Variants in EYS observed in about 807,000 individuals in gnomAD.
EYS encodes the protein EGF-like photoreceptor maintenance factor.
Under a neutral mutation model 282.1 loss-of-function variants are expected in EYS, and 250 were observed. That is an observed-to-expected ratio of 0.89 (90% CI 0.80 to 0.98). The LOEUF is 0.98. Among genes scored for constraint, EYS ranks in the 50% least tolerant of loss-of-function variants. EYS has a pLI of 0.00. For missense variants in EYS, 4,016 were observed against 3,709.0 expected (o/e 1.08, Z -2.15); for synonymous variants, 1,355 against 1,282.9 (o/e 1.06, Z -1.20).
intron 12 of EYS, among the ~76,000 whole-genome samples, chr6:65,068,825 C>A (rs181568303): frequency 1.5e-4 from 23 of 152,158 alleles, no homozygotes; most frequent in Non-Finnish European, 2.5e-4. Flanking sequence ...ATGTTCAACT[C>A]TACTCATAAG....
At chr6:65,274,348 G>T (rs1338931645) in intron 12 of EYS, among the ~76,000 whole-genome samples, 1 of 152,194 alleles carries the variant, frequency 6.6e-6, no homozygotes, top group Non-Finnish European at 1.5e-5. Context: ...TTTGATCTGT[G>T]CAGAAGACAG....
intron 31 of EYS, among the ~76,000 whole-genome samples, chr6:64,125,012 C>A (rs1177852148): frequency 6.6e-6 from 1 of 152,022 alleles, no homozygotes; most frequent in African/African-American, 2.4e-5. Flanking sequence ...TAATGTCATC[C>A]CCCATTGAAC....
At chr6:64,819,676 A>T (rs561125751) in intron 21 of EYS, among the ~76,000 whole-genome samples, 2 of 151,948 alleles carry the variant, frequency 1.3e-5, no homozygotes, top group Non-Finnish European at 2.9e-5. Context: ...AAAATATTAC[A>T]GTGGGAAGGA....
chr6:64,366,075 C>G (rs1024633270), intron 29 of EYS, among the ~76,000 whole-genome samples: 2 of 152,052 alleles, frequency 1.3e-5, no homozygotes, highest in Non-Finnish European at 2.9e-5. Context: ...GATCACATAA[C>G]TAAGTCTGCA....
At chr6:64,713,923 A>C (rs765705516) in intron 22 of EYS, among the ~76,000 whole-genome samples, 6 of 152,200 alleles carry the variant, frequency 3.9e-5, no homozygotes, top group African/African-American at 9.7e-5. Flanking sequence ...TGTATTACTG[A>C]AGGCATTATG....
chr6:65,311,118 G>T (rs1335349243), intron 11 of EYS, among the ~76,000 whole-genome samples: 4 of 151,990 alleles, frequency 2.6e-5, no homozygotes, highest in Non-Finnish European at 5.9e-5. Flanking sequence ...TACTACACTT[G>T]ATCTTAGCCA....
chr6:65,505,228 G>A (rs1343812583), intron 2 of EYS, among the ~76,000 whole-genome samples: 2 of 151,508 alleles, frequency 1.3e-5, no homozygotes, highest in Non-Finnish European at 3.0e-5. Context: ...TCCTCTTAAT[G>A]CCCATAGGAA....
intron 35 of EYS, among the ~76,000 whole-genome samples, chr6:63,957,938 T>A (rs1366574711): frequency 7.1e-6 from 1 of 140,936 alleles, no homozygotes; most frequent in Non-Finnish European, 1.6e-5. Flanking sequence ...TTAGTGCAAC[T>A]TACTGAGAGG....
At chr6:65,203,550 G>A (rs1765955856) in intron 12 of EYS, among the ~76,000 whole-genome samples, 1 of 152,088 alleles carries the variant, frequency 6.6e-6, no homozygotes, top group African/African-American at 2.4e-5. Flanking sequence ...ATGTGCAACA[G>A]TCACACTCTC....
chr6:64,439,066 A>T (rs1582753236), intron 27 of EYS, 96 bp downstream of exon 27: 1 of 637,562 alleles, frequency 1.6e-6, no homozygotes. Context: ...TAATATATAG[A>T]GTTAAGTTTA....
intron 22 of EYS, among the ~76,000 whole-genome samples, chr6:64,683,565 G>A (rs1028659602): frequency 3.9e-5 from 6 of 152,142 alleles, no homozygotes; most frequent in Admixed American, 3.9e-4. Context: ...TGAAAATACA[G>A]GAGAGAACAA....
chr6:65,677,861 A>C (rs1768679367), intron 1 of EYS, among the ~76,000 whole-genome samples: 1 of 152,078 alleles, frequency 6.6e-6, no homozygotes, highest in South Asian at 2.1e-4. Flanking sequence ...CCAATGAAAC[A>C]AGTTTGAGGG....
At chr6:65,034,926 C>A (rs1561932830) in intron 13 of EYS, among the ~76,000 whole-genome samples, 1 of 152,058 alleles carries the variant, frequency 6.6e-6, no homozygotes, top group Non-Finnish European at 1.5e-5. Context: ...AAAATTTAGA[C>A]CGATATCTCT....
chr6:64,105,223 TAAAA>T (rs1772968446), intron 31 of EYS, among the ~76,000 whole-genome samples: 2 of 152,068 alleles, frequency 1.3e-5, no homozygotes, highest in Admixed American at 1.3e-4. Context: ...GATAAATAAA[TAAAA>T]TAGCTTTTAT....
intron 35 of EYS, among the ~76,000 whole-genome samples, chr6:63,952,951 C>A (rs1228000948): frequency 3.9e-5 from 6 of 152,170 alleles, no homozygotes; most frequent in Non-Finnish European, 5.9e-5. Flanking sequence ...CCTATAAACT[C>A]TCCTGACAAT....
chr6:65,328,516 T>A (rs1341979789), intron 11 of EYS, among the ~76,000 whole-genome samples: 1 of 151,310 alleles, frequency 6.6e-6, no homozygotes, highest in African/African-American at 2.4e-5. Context: ...TATAGTAACC[T>A]ATAAATGTTA....
At chr6:64,739,428 G>T (rs1772293566) in intron 22 of EYS, among the ~76,000 whole-genome samples, 1 of 152,134 alleles carries the variant, frequency 6.6e-6, no homozygotes, top group African/African-American at 2.4e-5. Context: ...TTTCTTTAAA[G>T]ACTAAAGTTT....
In EYS at chr6:65,309,671, GA is replaced by G. The variant is rs1769103337; in HGVS notation, c.1767-13553del. On this transcript the variant is annotated intron_variant, in intron 11 of 42. Transcript: ENST00000503581. Reference sequence around the variant, plus strand: ...ATCTTCGCTCTGGTACTTAAAGTGTGATTATGGGAATGTGTTTTAATTTTAA... The same window carrying G: ...ATCTTCGCTCTGGTACTTAAAGTGTGTTATGGGAATGTGTTTTAATTTTAA... Among the ~76,000 whole-genome samples the G allele has an allele frequency of 5.9e-5, 9 of 152,282 alleles. No homozygotes were observed. In the South Asian group the frequency reaches 1.9e-3, roughly 32 times the overall value.
chr6:65,652,419 C>A (rs779684961), intron 1 of EYS, among the ~76,000 whole-genome samples: 37 of 151,912 alleles, frequency 2.4e-4, no homozygotes, highest in Non-Finnish European at 3.7e-4. Context: ...GAGGAGGAGA[C>A]AGGAAGAGAA....
Sources: gnomAD v4.1 joint callset for allele counts (sites outside exome capture counted in the v4.1 genomes callset) on GRCh38, gnomAD v4.1.1 for gene constraint, MANE v1.5 for transcripts, NCBI Gene and HGNC (gene_info 2026-07-23, HGNC 2026-07-21) for gene names.